DGKB: variants seen among roughly 807,000 people sequenced by gnomAD.
The protein encoded by DGKB is diacylglycerol kinase beta, also known as 90 kDa diacylglycerol kinase.
DGKB carries 67 observed loss-of-function variants against 114.3 expected under a neutral mutation model. The ratio of observed to expected loss-of-function variants is 0.59; its 90% confidence interval spans 0.48 to 0.72. DGKB has a LOEUF of 0.72. Among genes scored for constraint, DGKB ranks in the 30% least tolerant of loss-of-function variants. The probability of loss-of-function intolerance (pLI) is 0.00; values close to 1 mark genes in which losing one functional copy is unlikely to be tolerated. For missense variants in DGKB, 907 were observed against 975.2 expected, an observed-to-expected ratio of 0.93 and a Z score of 0.93; for synonymous variants, 398 against 323.1, an observed-to-expected ratio of 1.23 and a Z score of -2.49.
intron 21 of DGKB, among the ~76,000 whole-genome samples, chr7:14,380,881 G>A (rs1450468042): frequency 6.6e-6 from 1 of 152,172 alleles, no homozygotes; most frequent in African/African-American, 2.4e-5. Flanking sequence ...CCTGAAATTT[G>A]TGATTATGTT....
At chr7:14,733,871 G>GA (rs1443566687) in intron 5 of DGKB, among the ~76,000 whole-genome samples, 5 of 151,384 alleles carry the variant, frequency 3.3e-5, no homozygotes, top group African/African-American at 9.7e-5. Flanking sequence ...GAAAGGAAGG[G>GA]AAGCAGTACA....
intron 13 of DGKB, among the ~76,000 whole-genome samples, chr7:14,648,190 C>T (rs1005281317): frequency 2.6e-5 from 4 of 152,232 alleles, no homozygotes; most frequent in East Asian, 1.9e-4. Flanking sequence ...CCTCTGGGGG[C>T]AAGGCACAGA....
intron 20 of DGKB, among the ~76,000 whole-genome samples, chr7:14,487,279 T>C (rs574122970): frequency 6.6e-6 from 1 of 152,334 alleles, no homozygotes; most frequent in African/African-American, 2.4e-5. Flanking sequence ...GTTTGCTTGA[T>C]TTTAATTTTC....
Position 14,345,318 on chromosome 7 carries a change from C to T in DGKB, c.1909G>A (p.Glu637Lys). 1 of 1,539,832 alleles carries T rather than the reference C, an allele frequency of 6.5e-7. No homozygotes were observed. ...TTTCTTACTTCTATTTCTACAGATT[C>T]ATGTAGCTTCTTGCAGGTGGCTGAG... is the stretch of plus-strand genomic sequence containing the variant. ...TFSATCKKLH[E>K]SVEIECDGVQ... Residue 637 changes from glutamate to lysine, a missense_variant, in exon 22 of 26, where the codon GAA (glutamate) becomes AAA (lysine). Glu to Lys is a moderately conservative substitution (Grantham distance 56, BLOSUM62 1). Coordinates refer to ENST00000402815, the MANE Select transcript of DGKB (RefSeq NM_001350709.2).
intron 21 of DGKB, among the ~76,000 whole-genome samples, chr7:14,462,700 C>G (rs1304465395): frequency 6.6e-6 from 1 of 152,178 alleles, no homozygotes; most frequent in African/African-American, 2.4e-5. Context: ...CTATCCCCAT[C>G]AAGCAACCAT....
chr7:14,508,541 A>C (rs1000241570), intron 20 of DGKB, among the ~76,000 whole-genome samples: 2 of 152,186 alleles, frequency 1.3e-5, no homozygotes, highest in Admixed American at 1.3e-4. Context: ...TTAGGTTTTG[A>C]ATATATAGGT....
At chr7:14,488,856 A>AAAG in intron 20 of DGKB, among the ~76,000 whole-genome samples, 2 of 106,546 alleles carry the variant, frequency 1.9e-5, no homozygotes, top group African/African-American at 8.2e-5. Context: ...AAAAAACAAA[A>AAAG]AAAACCCAAC....
intron 1 of DGKB, among the ~76,000 whole-genome samples, chr7:14,855,788 T>C (rs945025413): frequency 6.6e-6 from 1 of 152,198 alleles, no homozygotes; most frequent in Non-Finnish European, 1.5e-5. Flanking sequence ...GATAGGACTT[T>C]TGATATAATT....
intron 1 of DGKB, among the ~76,000 whole-genome samples, chr7:14,973,708 G>A (rs1787629268): frequency 6.7e-6 from 1 of 149,562 alleles, no homozygotes; most frequent in Non-Finnish European, 1.5e-5. Flanking sequence ...AGACATCAAA[G>A]TGACCATCTC....
chr7:14,533,592 T>C lies in DGKB; in HGVS notation c.1770+40620A>G, dbSNP rs556236636. On this transcript the variant is annotated intron_variant, in intron 20 of 25. Coordinates refer to ENST00000402815, the MANE Select transcript of DGKB (RefSeq NM_001350709.2). ...ATTCATGATCCACAAGTAACCGAAA[T>C]AGTTTTAAACCTAAAGAAGTCTACA... Among the ~76,000 whole-genome samples, 63 of 151,914 alleles carry C rather than the reference T, an allele frequency of 4.1e-4. 1 individual carries two copies. In the South Asian group the frequency reaches 0.013, roughly 30 times the overall value.
intron 2 of DGKB, among the ~76,000 whole-genome samples, chr7:14,817,479 C>G (rs1364175581): frequency 6.6e-6 from 1 of 152,020 alleles, no homozygotes; most frequent in Non-Finnish European, 1.5e-5. Context: ...ATAAAAGCTT[C>G]TAAGGTATTG....
At chr7:14,343,160 CACA>C (rs1324021736) in intron 22 of DGKB, among the ~76,000 whole-genome samples, 2 of 130,846 alleles carry the variant, frequency 1.5e-5, no homozygotes, top group Non-Finnish European at 3.3e-5. Context: ...TAGCTATCCA[CACA>C]CACACACACA....
intron 1 of DGKB, among the ~76,000 whole-genome samples, chr7:14,841,733 G>A (rs1847961345): frequency 6.6e-6 from 1 of 151,976 alleles, no homozygotes. Flanking sequence ...ATTATCCAAG[G>A]AGGCTAAAAT....
chr7:14,488,629 G>A (rs116192020), intron 20 of DGKB, among the ~76,000 whole-genome samples: 2,596 of 149,260 alleles, frequency 0.017, 63 homozygotes, highest in African/African-American at 0.059. Context: ...AGACCAACAT[G>A]GTGAAGCCCC....
intron 10 of DGKB, among the ~76,000 whole-genome samples, chr7:14,684,060 T>C (rs1404615415): frequency 1.3e-5 from 2 of 152,192 alleles, no homozygotes; most frequent in Non-Finnish European, 2.9e-5. Flanking sequence ...GAGAATGTTC[T>C]AGTGTAACTA....
chr7:14,798,878 T>C (rs1359000466), intron 2 of DGKB, among the ~76,000 whole-genome samples: 3 of 152,240 alleles, frequency 2.0e-5, no homozygotes, highest in Non-Finnish European at 4.4e-5. Context: ...GGGCTACTAT[T>C]GTGGCAAAGG....
At chr7:14,849,393 G>A (rs773999278) in intron 1 of DGKB, among the ~76,000 whole-genome samples, 15 of 151,892 alleles carry the variant, frequency 9.9e-5, no homozygotes, top group African/African-American at 3.6e-4. Context: ...AGGCCAGGAC[G>A]GTTTCACCCT....
chr7:14,242,866 G>GTT (rs10656701), intron 23 of DGKB, among the ~76,000 whole-genome samples: 78,117 of 145,944 alleles, frequency 0.54, 21,264 homozygotes, highest in African/African-American at 0.68. Context: ...TATGAAGGCT[G>GTT]TTTTTTTTTT....
chr7:14,155,641 G>A (rs1281300308), intron 25 of DGKB, among the ~76,000 whole-genome samples: 4 of 152,092 alleles, frequency 2.6e-5, no homozygotes, highest in Admixed American at 6.6e-5. Flanking sequence ...GGAACAGAGT[G>A]GAGGCAGATT....
Sources: allele counts gnomAD v4.1 joint callset (sites outside exome capture counted in the v4.1 genomes callset), GRCh38; gene constraint gnomAD v4.1.1; transcripts MANE v1.5; gene names NCBI Gene and HGNC (gene_info 2026-07-23, HGNC 2026-07-21).